CSMD1: variants seen among roughly 807,000 people sequenced by gnomAD.
CSMD1 encodes the protein CUB and sushi domain-containing protein 1.
CSMD1 carries 213 observed loss-of-function variants against 417.5 expected under a neutral mutation model. That is an observed-to-expected ratio of 0.51 (90% confidence interval 0.46 to 0.57). CSMD1 has a LOEUF of 0.57. CSMD1 is among the 20% of genes least tolerant of loss of function. CSMD1 has a pLI of 0.00. For missense variants in CSMD1, 6,923 were observed against 4,529.7 expected (o/e 1.53, Z -15.17); for synonymous variants, 2,862 against 1,736.8 (o/e 1.65, Z -16.11).
chr8:4,373,713 G>C (rs12549600), intron 3 of CSMD1, among the ~76,000 whole-genome samples: 108,529 of 152,120 alleles, frequency 0.71, 39,426 homozygotes, highest in African/African-American at 0.87. Context: ...TTTCTATACT[G>C]TCATCTTTCC....
intron 15 of CSMD1, among the ~76,000 whole-genome samples, chr8:3,403,217 G>T (rs554905856): frequency 1.1e-4 from 16 of 152,294 alleles, no homozygotes; most frequent in African/African-American, 3.4e-4. Flanking sequence ...CAATAAATAA[G>T]AGTATTCTGT....
chr8:3,617,193 A>T (rs1399937726), intron 7 of CSMD1, among the ~76,000 whole-genome samples: 1 of 152,204 alleles, frequency 6.6e-6, no homozygotes, highest in East Asian at 1.9e-4. Context: ...GACAACAGAG[A>T]TGATATTTAC....
chr8:4,718,857 T>C (rs1160531338), intron 1 of CSMD1, among the ~76,000 whole-genome samples: 1 of 152,098 alleles, frequency 6.6e-6, no homozygotes. Flanking sequence ...CCCTAAAAAG[T>C]ACCAAAATGT....
At chr8:3,883,211 G>A (rs78673743) in intron 5 of CSMD1, among the ~76,000 whole-genome samples, 2,017 of 152,190 alleles carry the variant, frequency 0.013, 28 homozygotes, top group Middle Eastern at 0.02. Context: ...TACTAGATAC[G>A]TGTCCTTGAA....
chr8:4,324,887 A>G (rs891828727), intron 3 of CSMD1, among the ~76,000 whole-genome samples: 4 of 152,170 alleles, frequency 2.6e-5, no homozygotes, highest in African/African-American at 7.2e-5. Context: ...TGGATCCTCA[A>G]GGCACTCTGA....
intron 5 of CSMD1, among the ~76,000 whole-genome samples, chr8:3,782,739 G>C (rs766476135): frequency 6.6e-6 from 1 of 152,200 alleles, no homozygotes; most frequent in African/African-American, 2.4e-5. Context: ...TGGTGATACT[G>C]AATTATAAGA....
chr8:3,661,541 G>C (rs114449260), intron 7 of CSMD1, among the ~76,000 whole-genome samples: 2,896 of 151,656 alleles, frequency 0.019, 106 homozygotes, highest in African/African-American at 0.067. Flanking sequence ...TTATCACCCA[G>C]GCTGCAGTGC....
chr8:4,670,332 T>C (rs953892318), intron 1 of CSMD1, among the ~76,000 whole-genome samples: 2 of 152,150 alleles, frequency 1.3e-5, no homozygotes, highest in Admixed American at 1.3e-4. Context: ...GCTGACTTTG[T>C]CTTATTTATG....
At chr8:4,189,142 G>A (rs180857238) in intron 3 of CSMD1, among the ~76,000 whole-genome samples, 1 of 152,218 alleles carries the variant, frequency 6.6e-6, no homozygotes, top group African/African-American at 2.4e-5. Flanking sequence ...CCAAGTTTGT[G>A]AGTCATCTCT....
chr8:3,081,422 C>A (rs1814087392), intron 49 of CSMD1, among the ~76,000 whole-genome samples: 1 of 152,046 alleles, frequency 6.6e-6, no homozygotes, highest in Non-Finnish European at 1.5e-5. Context: ...ATTTTAAGTT[C>A]CCAATGCCAC....
intron 15 of CSMD1, 96 bp from the exon 16 acceptor site, chr8:3,399,625 A>G (rs536102110): frequency 2.3e-6 from 2 of 878,362 alleles, no homozygotes; most frequent in South Asian, 2.6e-5. Context: ...TTCTGTGTTC[A>G]TAGACTGAAT....
At chr8:3,299,393 A>C (rs976595314) in intron 25 of CSMD1, among the ~76,000 whole-genome samples, 4 of 152,172 alleles carry the variant, frequency 2.6e-5, no homozygotes, top group African/African-American at 9.7e-5. Flanking sequence ...TGGAGGTTGC[A>C]GTGAGCCAAG....
intron 8 of CSMD1, among the ~76,000 whole-genome samples, chr8:3,587,627 C>T (rs1375683849): frequency 6.6e-6 from 1 of 152,128 alleles, no homozygotes; most frequent in Non-Finnish European, 1.5e-5. Context: ...ATGTAACACT[C>T]TCTAGGGATT....
chr8:4,086,749 T>G (rs1239041104), intron 3 of CSMD1, among the ~76,000 whole-genome samples: 1 of 152,240 alleles, frequency 6.6e-6, no homozygotes. Flanking sequence ...GAGTTTCTGG[T>G]CAATTAATTC....
intron 1 of CSMD1, among the ~76,000 whole-genome samples, chr8:4,739,156 C>T (rs1810440202): frequency 6.6e-6 from 1 of 152,188 alleles, no homozygotes; most frequent in Non-Finnish European, 1.5e-5. Flanking sequence ...ACACACTTTA[C>T]TTCCTAATAG....
rs142628066 is a variant in CSMD1 at position 3,972,654 on chromosome 8, A to G, written c.818+25249T>C. 3.3e-5 allele frequency among the ~76,000 whole-genome samples: 5 copies of G among 152,360 alleles called. 1 individual carries two copies. In the East Asian group the frequency reaches 9.6e-4, roughly 29 times the overall value. ...AAGTTAGTTTACATGTGATAGTAAGAATAGTAACAGATTATGACCAGTGTT... is the reference window on the plus strand; with the variant it reads ...AAGTTAGTTTACATGTGATAGTAAGGATAGTAACAGATTATGACCAGTGTT... On this transcript the variant is annotated intron_variant, in intron 5 of 69. Transcript: ENST00000635120.
At chr8:4,164,825 G>T (rs776931354) in intron 3 of CSMD1, among the ~76,000 whole-genome samples, 1 of 151,462 alleles carries the variant, frequency 6.6e-6, no homozygotes, top group Non-Finnish European at 1.5e-5. Flanking sequence ...GCAGTGAGCT[G>T]ACATTGTGCC....
chr8:3,337,401 G>T (rs1235348063), intron 23 of CSMD1, among the ~76,000 whole-genome samples: 1 of 152,066 alleles, frequency 6.6e-6, no homozygotes, highest in East Asian at 1.9e-4. Context: ...AATTACACCC[G>T]TGCCTGACTC....
intron 12 of CSMD1, among the ~76,000 whole-genome samples, chr8:3,445,781 A>C (rs1293088808): frequency 6.6e-6 from 1 of 152,214 alleles, no homozygotes; most frequent in African/African-American, 2.4e-5. Flanking sequence ...TAAGAGGATA[A>C]AACTTTGAGA....
Sources: gnomAD v4.1 joint callset for allele counts (sites outside exome capture counted in the v4.1 genomes callset) on GRCh38, gnomAD v4.1.1 for gene constraint, MANE v1.5 for transcripts, NCBI Gene and HGNC (gene_info 2026-07-23, HGNC 2026-07-21) for gene names.